The following HK1 variants were observed in gnomAD, a reference collection of about 807,000 sequenced individuals.
HK1 encodes hexokinase 1, also known as hexokinase-1.
In HK1, 28 loss-of-function variants were observed where a neutral mutation model predicts 91.6. The observed-to-expected ratio is 0.31, with a 90% CI of 0.23 to 0.42. The LOEUF is 0.42. Ranked by LOEUF, HK1 falls within the 10% of genes least tolerant of loss-of-function variation. The pLI is 1.00. For synonymous variants in HK1, 430 were observed against 468.1 expected, an observed-to-expected ratio of 0.92 and a Z score of 1.05; for missense variants, 770 against 1,219.8, an observed-to-expected ratio of 0.63 and a Z score of 5.49.
intron 1 of HK1, chr10:69,319,228 A>C (rs1846863079): frequency 1.6e-6 from 1 of 624,584 alleles, no homozygotes; most frequent in Non-Finnish European, 2.8e-6. Context: ...ATCGGGCGGA[A>C]GACCCCCGAG....
intron 5 of HK1, among the ~76,000 whole-genome samples, chr10:69,305,498 C>G (rs2132514795): frequency 6.6e-6 from 1 of 152,082 alleles, no homozygotes; most frequent in East Asian, 1.9e-4. Context: ...ATCTGTCTCT[C>G]CCGATCAGAA....
intron 5 of HK1, among the ~76,000 whole-genome samples, chr10:69,305,653 G>A (rs554279679): frequency 4.0e-5 from 6 of 151,898 alleles, no homozygotes; most frequent in East Asian, 1.9e-4. Flanking sequence ...TCAGGAGTTC[G>A]AGACCAGCCT....
At chr10:69,373,929 T>C (rs1392846086) in intron 7 of HK1, among the ~76,000 whole-genome samples, 3 of 152,174 alleles carry the variant, frequency 2.0e-5, no homozygotes, top group Non-Finnish European at 4.4e-5. Context: ...CTCTGTGTTC[T>C]GCCTGGAATC....
intron 14 of HK1, among the ~76,000 whole-genome samples, chr10:69,390,452 T>G (rs374837671): frequency 9.8e-5 from 15 of 152,360 alleles, no homozygotes; most frequent in African/African-American, 3.6e-4. Flanking sequence ...ATAGGCAAGA[T>G]GTATGGTTTC....
intron 5 of HK1, among the ~76,000 whole-genome samples, chr10:69,306,229 G>A (rs77329880): frequency 6.6e-6 from 1 of 151,800 alleles, no homozygotes; most frequent in African/African-American, 2.4e-5. Flanking sequence ...ATTGTGGCGG[G>A]CACCTGTAGT....
chr10:69,320,243 AG>A (rs1846929645), intron 1 of HK1, among the ~76,000 whole-genome samples: 1 of 152,084 alleles, frequency 6.6e-6, no homozygotes, highest in Admixed American at 6.5e-5. Flanking sequence ...GAACTTCACC[AG>A]GGTCCTCCTG....
At chr10:69,308,847 A>C (rs1383352060) in intron 5 of HK1, among the ~76,000 whole-genome samples, 1 of 152,218 alleles carries the variant, frequency 6.6e-6, no homozygotes, top group Non-Finnish European at 1.5e-5. Context: ...GTACTCCTAC[A>C]AGAATCTAAT....
intron 1 of HK1, among the ~76,000 whole-genome samples, chr10:69,276,117 A>G (rs1249905653): frequency 1.5e-5 from 1 of 65,598 alleles, no homozygotes; most frequent in East Asian, 6.8e-4. Flanking sequence ...AAAAAAAAAA[A>G]AATACATATA....
At chr10:69,313,817 T>C (rs1162618454), upstream of HK1, among the ~76,000 whole-genome samples, 1 of 152,184 alleles carries the variant, frequency 6.6e-6, no homozygotes, top group African/African-American at 2.4e-5. Flanking sequence ...GTGAAATTTC[T>C]TAATTTTTTT....
upstream of HK1, among the ~76,000 whole-genome samples, chr10:69,311,358 T>C (rs1564501811): frequency 6.6e-6 from 1 of 152,218 alleles, no homozygotes; most frequent in East Asian, 1.9e-4. Flanking sequence ...AGGAGGATGG[T>C]GGGTTAGAAT....
rs1847916658 is a variant in HK1, at chr10:69,335,187, TG to T, written c.64-8637del. Among the ~76,000 whole-genome samples the T allele has an allele frequency of 1.3e-5, 2 of 152,156 alleles. 1 individual carries two copies. Among genetic ancestry groups the T allele is most frequent in the African/African-American group, 4.8e-5 (2 of 41,516 alleles). The stretch of plus-strand genomic sequence containing the variant: ...GCCACCCACACTACTGAGGTGGGGC[TG>T]GGCAGCCGCAGAAGCCATGTGCAGT... On this transcript the variant is annotated intron_variant, in intron 1 of 17. Transcript: ENST00000359426.
intron 12 of HK1, 45 bp from the exon 13 acceptor site, chr10:69,386,278 C>A: frequency 1.3e-6 from 2 of 1,509,270 alleles, no homozygotes; most frequent in South Asian, 1.1e-5. Context: ...TTCTCCCCTT[C>A]CAGGTTAATT....
chr10:69,331,100 G>A (rs908976095), intron 1 of HK1, among the ~76,000 whole-genome samples: 2 of 152,012 alleles, frequency 1.3e-5, no homozygotes, highest in Non-Finnish European at 2.9e-5. Context: ...GACTGGTCTC[G>A]AACTCCTGGC....
At chr10:69,270,045 T>C (rs1382978135) in exon 1 of HK1, 1 of 152,228 alleles carries the variant, frequency 6.6e-6, no homozygotes, top group Non-Finnish European at 1.5e-5. Flanking sequence ...CCCTGAAACA[T>C]CTTGGGCAAT....
chr10:69,291,079 T>G (rs1345373886), intron 3 of HK1, among the ~76,000 whole-genome samples: 2 of 152,248 alleles, frequency 1.3e-5, no homozygotes, highest in African/African-American at 2.4e-5. Context: ...GGGATGTCAT[T>G]GCCACCTCTC....
At chr10:69,358,240 G>A (rs1849232073) in intron 2 of HK1, among the ~76,000 whole-genome samples, 1 of 152,156 alleles carries the variant, frequency 6.6e-6, no homozygotes, top group South Asian at 2.1e-4. Flanking sequence ...TGGGAGCATC[G>A]TGAGGATAAC....
At chr10:69,373,365 T>A (rs1005541159) in intron 7 of HK1, among the ~76,000 whole-genome samples, 4 of 152,190 alleles carry the variant, frequency 2.6e-5, no homozygotes, top group Non-Finnish European at 5.9e-5. Context: ...CATTGGTAGT[T>A]ACTGCATTTG....
At chr10:69,362,322 C>A (rs1849468479) in intron 3 of HK1, among the ~76,000 whole-genome samples, 1 of 152,136 alleles carries the variant, frequency 6.6e-6, no homozygotes, top group Non-Finnish European at 1.5e-5. Context: ...AAGCGATCCT[C>A]CCACTTTAGC....
chr10:69,377,173 T>G, intron 8 of HK1, 84 bp downstream of exon 8: 1 of 1,517,378 alleles, frequency 6.6e-7, no homozygotes, highest in Non-Finnish European at 9.1e-7. Context: ...GAGTCCAAGT[T>G]TGGTGGCTTT....
Sources: gnomAD v4.1 joint callset for allele counts (sites outside exome capture counted in the v4.1 genomes callset) on GRCh38, gnomAD v4.1.1 for gene constraint, MANE v1.5 for transcripts, NCBI Gene and HGNC (gene_info 2026-07-23, HGNC 2026-07-21) for gene names.